The following ZRANB3 variants were observed in gnomAD, a reference collection of about 807,000 sequenced individuals.
ZRANB3 encodes DNA annealing helicase and endonuclease ZRANB3.
Under a neutral mutation model 133.8 loss-of-function variants are expected in ZRANB3, and 125 were observed. The ratio of observed to expected loss-of-function variants is 0.93; its 90% CI spans 0.81 to 1.08. ZRANB3 has a LOEUF of 1.08. Among genes scored for constraint, ZRANB3 ranks in the 50% least tolerant of loss-of-function variants. The pLI is 0.00. For missense variants in ZRANB3, 1,229 were observed against 1,275.5 expected (o/e 0.96, Z 0.56); for synonymous variants, 387 against 432.7 (o/e 0.89, Z 1.31).
chr2:135,342,168 A>C (rs1316412560), intron 6 of ZRANB3, among the ~76,000 whole-genome samples: 1 of 149,460 alleles, frequency 6.7e-6, no homozygotes, highest in East Asian at 1.9e-4. Context: ...CCAGCTTTAA[A>C]ATTTCTCTCT....
At chr2:135,373,294 G>T (rs555763467) in intron 3 of ZRANB3, among the ~76,000 whole-genome samples, 1 of 152,082 alleles carries the variant, frequency 6.6e-6, no homozygotes, top group East Asian at 1.9e-4. Context: ...AGACAAGTAC[G>T]GTAGGATATG....
chr2:135,530,708 C>T (rs1171924295), intron 1 of ZRANB3: 1 of 152,258 alleles, frequency 6.6e-6, no homozygotes, highest in African/African-American at 2.4e-5. Flanking sequence ...CATCACTTCT[C>T]TCCCGTTAGG....
chr2:135,487,615 A>C (rs1231635908), intron 2 of ZRANB3, among the ~76,000 whole-genome samples: 1 of 152,212 alleles, frequency 6.6e-6, no homozygotes, highest in Non-Finnish European at 1.5e-5. Context: ...TTCACCTTGC[A>C]CATTTATGTT....
At chr2:135,509,650 A>T (rs1448404133) in intron 1 of ZRANB3, among the ~76,000 whole-genome samples, 1 of 152,046 alleles carries the variant, frequency 6.6e-6, no homozygotes, top group Non-Finnish European at 1.5e-5. Context: ...TTTTACAAAT[A>T]CAAATTAAAC....
rs554234539 is a variant in ZRANB3 at position 135,339,519 on chromosome 2, C to T, written c.677+6031G>A. On this transcript the variant is annotated intron_variant, in intron 6 of 20. Coordinates refer to ENST00000264159, the MANE Select transcript of ZRANB3 (RefSeq NM_032143.4). Reference sequence around the variant, plus strand: ...ATCACCTGAGCCAAGGCAGTTGAGGCTACACTGAGCCATGATTGTGCCACT... The same window carrying T: ...ATCACCTGAGCCAAGGCAGTTGAGGTTACACTGAGCCATGATTGTGCCACT... Among the ~76,000 whole-genome samples the T allele has an allele frequency of 4.6e-5, 7 of 152,020 alleles. No homozygotes were observed. The East Asian group carries it at 1.4e-3, about 29-fold the overall frequency.
At chr2:135,334,322 C>T (rs1684277255) in intron 6 of ZRANB3, among the ~76,000 whole-genome samples, 1 of 152,240 alleles carries the variant, frequency 6.6e-6, no homozygotes. Flanking sequence ...TCTTTTAGAA[C>T]TGAACTATTG....
intron 2 of ZRANB3, among the ~76,000 whole-genome samples, chr2:135,461,724 T>C (rs752717199): frequency 1.3e-5 from 2 of 152,190 alleles, no homozygotes; most frequent in Non-Finnish European, 2.9e-5. Context: ...CGTAGCATCG[T>C]AGGCACTGGA....
At chr2:135,367,596 AAAT>A (rs1573985083) in intron 3 of ZRANB3, among the ~76,000 whole-genome samples, 1 of 151,984 alleles carries the variant, frequency 6.6e-6, no homozygotes, top group East Asian at 1.9e-4. Context: ...TAAAAAAAAT[AAAT>A]AAATAAATAA....
At chr2:135,223,384 G>A (rs1694631869) in intron 15 of ZRANB3, among the ~76,000 whole-genome samples, 1 of 149,658 alleles carries the variant, frequency 6.7e-6, no homozygotes, top group South Asian at 2.1e-4. Flanking sequence ...GGAGTGCAGT[G>A]GCGCGATCTT....
intron 6 of ZRANB3, among the ~76,000 whole-genome samples, chr2:135,322,901 C>A (rs893056448): frequency 1.3e-5 from 2 of 151,520 alleles, no homozygotes; most frequent in Non-Finnish European, 2.9e-5. Flanking sequence ...CCTGTAATCC[C>A]AGCTACTTGG....
chr2:135,306,255 T>G (rs1292642955), intron 8 of ZRANB3, among the ~76,000 whole-genome samples: 1 of 151,860 alleles, frequency 6.6e-6, no homozygotes, highest in Non-Finnish European at 1.5e-5. Context: ...GCTTTCCCCA[T>G]CCCTTTTTAT....
intron 3 of ZRANB3, among the ~76,000 whole-genome samples, chr2:135,382,954 A>C (rs1297186035): frequency 6.6e-6 from 1 of 152,224 alleles, no homozygotes; most frequent in African/African-American, 2.4e-5. Context: ...ATAATCAGCT[A>C]ACATCATAAT....
rs746956215 is a variant in ZRANB3, at chr2:135,313,471, T to A, written c.966+18A>T. The A allele has an allele frequency of 6.6e-7, 1 of 1,509,702 alleles. No individual in the cohort carries two copies. Among genetic ancestry groups the A allele is most frequent in the South Asian group, 1.2e-5 (1 of 85,580 alleles). 93.5% of individuals were successfully genotyped at this position (1,509,702 alleles called of 1,614,324 possible). A position where few individuals can be genotyped will look rare whatever the true frequency, so the allele number is the denominator to read the frequency against. Reference sequence around the variant, plus strand: ...AATTTGTATGAAGACAAATACATGATGGCCCAGCAAAGAGTACCTTGGCAA... The same window carrying A: ...AATTTGTATGAAGACAAATACATGAAGGCCCAGCAAAGAGTACCTTGGCAA... On this transcript the variant is annotated intron_variant, in intron 8 of 20. Coordinates refer to ENST00000264159, the MANE Select transcript of ZRANB3 (RefSeq NM_032143.4).
At chr2:135,308,718 G>A (rs1177422381) in intron 8 of ZRANB3, among the ~76,000 whole-genome samples, 3 of 151,936 alleles carry the variant, frequency 2.0e-5, no homozygotes, top group South Asian at 2.1e-4. Context: ...CTCCTACCTC[G>A]GCTTCCCAAA....
chr2:135,284,413 C>G (rs911891100), intron 8 of ZRANB3, among the ~76,000 whole-genome samples: 7 of 152,218 alleles, frequency 4.6e-5, no homozygotes, highest in Non-Finnish European at 8.8e-5. Context: ...CAAACCACCC[C>G]TTGCCCAAAG....
At chr2:135,324,229 C>A (rs1041590350) in intron 6 of ZRANB3, among the ~76,000 whole-genome samples, 1 of 142,808 alleles carries the variant, frequency 7.0e-6, no homozygotes, top group African/African-American at 2.5e-5. Context: ...TATCCCTCCC[C>A]CCTCCCCTCA....
chr2:135,343,298 T>C (rs970252562), intron 6 of ZRANB3, among the ~76,000 whole-genome samples: 1 of 149,844 alleles, frequency 6.7e-6, no homozygotes, highest in African/African-American at 2.5e-5. Flanking sequence ...TGGTGAATTA[T>C]ATTTATGTCT....
intron 2 of ZRANB3, among the ~76,000 whole-genome samples, chr2:135,438,505 C>CAA (rs1157022707): frequency 7.6e-4 from 57 of 74,896 alleles, no homozygotes; most frequent in Middle Eastern, 8.6e-3. Context: ...AACCCCGTCT[C>CAA]AAAAAAAAAA....
At chr2:135,452,380 T>A (rs1296861840) in intron 2 of ZRANB3, among the ~76,000 whole-genome samples, 1 of 152,082 alleles carries the variant, frequency 6.6e-6, no homozygotes, top group African/African-American at 2.4e-5. Flanking sequence ...CCTCCAAATT[T>A]CATGTCCTCA....
Sources: allele counts gnomAD v4.1 joint callset (sites outside exome capture counted in the v4.1 genomes callset), GRCh38; gene constraint gnomAD v4.1.1; transcripts MANE v1.5; gene names NCBI Gene and HGNC (gene_info 2026-07-23, HGNC 2026-07-21).